Variants in SUGCT observed in about 807,000 individuals in gnomAD.
The protein encoded by SUGCT is succinyl-CoA:glutarate-CoA transferase.
A neutral mutation model predicts 55.0 loss-of-function variants in SUGCT; 41 were observed. The ratio of observed to expected loss-of-function variants is 0.74; its 90% CI spans 0.58 to 0.97. The LOEUF (loss-of-function observed/expected upper bound fraction) is 0.97, where lower values mean the gene tolerates loss of function less well. Ranked by LOEUF, SUGCT falls within the 50% of genes least tolerant of loss-of-function variation. The pLI is 0.00. For missense variants in SUGCT, 568 were observed against 547.8 expected (o/e 1.04, Z -0.37); for synonymous variants, 187 against 200.4 (o/e 0.93, Z 0.56).
At chr7:40,841,906 G>T (rs993627370) in intron 13 of SUGCT, among the ~76,000 whole-genome samples, 1 of 152,068 alleles carries the variant, frequency 6.6e-6, no homozygotes, top group African/African-American at 2.4e-5. Context: ...AAAAATAAAT[G>T]ACCATACTCA....
At chr7:40,819,579 T>C (rs1027778269) in intron 13 of SUGCT, among the ~76,000 whole-genome samples, 1 of 152,266 alleles carries the variant, frequency 6.6e-6, no homozygotes, top group African/African-American at 2.4e-5. Flanking sequence ...TCTGTTCATA[T>C]CCTTCACCCA....
chr7:40,151,201 C>T (rs1317103463), intron 1 of SUGCT, among the ~76,000 whole-genome samples: 1 of 152,210 alleles, frequency 6.6e-6, no homozygotes, highest in East Asian at 1.9e-4. Flanking sequence ...GATTGCGCCA[C>T]TGCATTCCAG....
chr7:40,356,887 C>A (rs1262736231), intron 9 of SUGCT, among the ~76,000 whole-genome samples: 1 of 152,162 alleles, frequency 6.6e-6, no homozygotes, highest in Non-Finnish European at 1.5e-5. Flanking sequence ...TGAGGAAAAC[C>A]ACACAAAATA....
rs150454760 is a variant in SUGCT at position 40,408,998 on chromosome 7, G to A, written c.817-40289G>A. On this transcript the variant is annotated intron_variant, in intron 9 of 13. Transcript: ENST00000335693. ...GAGACAGCATCTTGCTGTGTCGCCT[G>A]GGCTGGAAGCTGTGGTGCAGTCATG... 1.2e-4 allele frequency among the ~76,000 whole-genome samples: 18 copies of A among 152,228 alleles called. No homozygotes were observed. In the South Asian group the frequency reaches 3.3e-3, roughly 28 times the overall value.
intron 6 of SUGCT, among the ~76,000 whole-genome samples, chr7:40,206,647 CAT>C (rs1786992713): frequency 6.6e-6 from 1 of 152,136 alleles, no homozygotes; most frequent in Non-Finnish European, 1.5e-5. Context: ...ATATGATAGG[CAT>C]AGTGTTTGCA....
At chr7:40,812,198 T>C (rs572987341) in intron 13 of SUGCT, among the ~76,000 whole-genome samples, 1 of 152,120 alleles carries the variant, frequency 6.6e-6, no homozygotes, top group East Asian at 1.9e-4. Context: ...GTTTCATTTT[T>C]TGTTGTGTCT....
intron 12 of SUGCT, among the ~76,000 whole-genome samples, chr7:40,549,365 C>T (rs562775688): frequency 2.0e-5 from 3 of 152,070 alleles, no homozygotes; most frequent in Non-Finnish European, 2.9e-5. Flanking sequence ...TAGGAATAAA[C>T]AATAAATCCT....
intron 6 of SUGCT, among the ~76,000 whole-genome samples, chr7:40,228,364 A>T (rs1788512905): frequency 6.6e-6 from 1 of 152,058 alleles, no homozygotes; most frequent in Non-Finnish European, 1.5e-5. Context: ...GTTCCTTCTC[A>T]GTCTTTTTTC....
At chr7:40,926,437 A>G in the SUGCT span, among the ~76,000 whole-genome samples, 1 of 151,990 alleles carries the variant, frequency 6.6e-6, no homozygotes, top group East Asian at 1.9e-4. Flanking sequence ...TGGAAACCAG[A>G]AGATTGTTAA....
At chr7:40,910,538 G>T in the SUGCT span, among the ~76,000 whole-genome samples, 4 of 152,146 alleles carry the variant, frequency 2.6e-5, no homozygotes, top group Non-Finnish European at 5.9e-5. Context: ...GGACATAATG[G>T]CAGTTAGAAG....
At chr7:40,932,097 G>T in the SUGCT span, among the ~76,000 whole-genome samples, 1 of 152,174 alleles carries the variant, frequency 6.6e-6, no homozygotes, top group Non-Finnish European at 1.5e-5. Flanking sequence ...TGCTTTAAAT[G>T]TGTCTCAGAG....
chr7:40,334,579 G>A (rs754378951), intron 9 of SUGCT, among the ~76,000 whole-genome samples: 12 of 152,194 alleles, frequency 7.9e-5, no homozygotes, highest in African/African-American at 9.6e-5. Context: ...CATATCCTTC[G>A]CTCACTTTTT....
At chr7:40,678,258 G>C (rs555833887) in intron 12 of SUGCT, among the ~76,000 whole-genome samples, 1 of 152,266 alleles carries the variant, frequency 6.6e-6, no homozygotes. Context: ...TAGCAGCAAA[G>C]ATCTAAGGTG....
rs956707300 is a variant in SUGCT, at chr7:40,534,344, T to A, written c.1089+37958T>A. ...TTTTCATTATGCCAATGATTTCATA[T>A]TGAATTAGGACATATTTGTAAGAAT... is the stretch of plus-strand genomic sequence containing the variant. On this transcript the variant is annotated intron_variant, in intron 12 of 13. Coordinates refer to ENST00000335693, the MANE Select transcript of SUGCT (RefSeq NM_001193313.2). Among the ~76,000 whole-genome samples the A allele has an allele frequency of 4.6e-5, 7 of 152,366 alleles. No homozygotes were observed. The East Asian group carries it at 1.4e-3, about 29-fold the overall frequency.
chr7:40,436,921 A>C (rs1788210288), intron 9 of SUGCT, among the ~76,000 whole-genome samples: 1 of 152,008 alleles, frequency 6.6e-6, no homozygotes, highest in African/African-American at 2.4e-5. Context: ...TTTTTTGCAT[A>C]GTTTCTGTGA....
rs537456450 is a variant in SUGCT at position 40,368,475 on chromosome 7, G to A, written c.816+51620G>A. On this transcript the variant is annotated intron_variant, in intron 9 of 13. Coordinates refer to ENST00000335693, the MANE Select transcript of SUGCT (RefSeq NM_001193313.2). ...CCCTCCCAAAGTGCTGGGATTACAG[G>A]TGTGAGCCACCACACCCGGACTATT... Among the ~76,000 whole-genome samples the A allele has an allele frequency of 3.3e-5, 5 of 152,166 alleles. No individual in the cohort carries two copies. In the South Asian group the frequency reaches 8.3e-4, roughly 25 times the overall value.
chr7:40,489,897 GA>G (rs1254081011), intron 11 of SUGCT, among the ~76,000 whole-genome samples: 1 of 152,162 alleles, frequency 6.6e-6, no homozygotes, highest in African/African-American at 2.4e-5. Flanking sequence ...CCTGTGAATT[GA>G]AGGAGATATT....
At chr7:40,142,637 A>G (rs1375833326) in intron 1 of SUGCT, among the ~76,000 whole-genome samples, 1 of 152,194 alleles carries the variant, frequency 6.6e-6, no homozygotes, top group Non-Finnish European at 1.5e-5. Flanking sequence ...GCCATCCTGT[A>G]AAGGAGTCAT....
At chr7:40,788,499 T>TGAAA (rs1321402347) in intron 13 of SUGCT, among the ~76,000 whole-genome samples, 2 of 151,766 alleles carry the variant, frequency 1.3e-5, no homozygotes, top group African/African-American at 2.4e-5. Context: ...AAAACAAAGG[T>TGAAA]GAAAGTAGGA....
Sources: allele counts gnomAD v4.1 joint callset (sites outside exome capture counted in the v4.1 genomes callset), GRCh38; gene constraint gnomAD v4.1.1; transcripts MANE v1.5; gene names NCBI Gene and HGNC (gene_info 2026-07-23, HGNC 2026-07-21).